Variants in ATP9A observed in about 807,000 individuals in gnomAD.
ATP9A encodes probable phospholipid-transporting ATPase IIA.
ATP9A carries 52 observed loss-of-function variants against 144.1 expected under a neutral mutation model. The observed-to-expected ratio is 0.36, with a 90% CI of 0.29 to 0.45. The LOEUF (loss-of-function observed/expected upper bound fraction) is 0.45. Ranked by LOEUF, ATP9A falls within the 20% of genes least tolerant of loss-of-function variation. The pLI is 1.00. For missense variants in ATP9A, 947 were observed against 1,392.7 expected (o/e 0.68, Z 5.09); for synonymous variants, 582 against 557.4 (o/e 1.04, Z -0.62).
At chr20:51,731,765 G>T (rs536661334) in intron 1 of ATP9A, among the ~76,000 whole-genome samples, 1 of 151,920 alleles carries the variant, frequency 6.6e-6, no homozygotes, top group Admixed American at 6.6e-5. Context: ...ACCCAAGTTT[G>T]CAGAGACGTA....
At chr20:51,759,539 G>A (rs918006090) in intron 1 of ATP9A, among the ~76,000 whole-genome samples, 1 of 152,074 alleles carries the variant, frequency 6.6e-6, no homozygotes, top group African/African-American at 2.4e-5. Flanking sequence ...TAGGCGTGGT[G>A]GCGGGTGCCT....
At chr20:51,652,503 G>A (rs556417162) in intron 14 of ATP9A, among the ~76,000 whole-genome samples, 27 of 152,336 alleles carry the variant, frequency 1.8e-4, no homozygotes, top group African/African-American at 6.0e-4. Flanking sequence ...TCAAAGGCAC[G>A]ATTCTAGAGC....
Position 51,694,084 on chromosome 20 carries a change from G to A in ATP9A, c.566C>T (p.Thr189Met). The change falls in exon 7 of 28, where the codon ACG (threonine) becomes ATG (methionine). Residue 189 changes from threonine to methionine, a missense_variant. By Grantham distance (81) the Thr-to-Met change is moderately conservative. Coordinates refer to ENST00000338821, the MANE Select transcript of ATP9A (RefSeq NM_006045.3). ...SEKNGSCFLR[T>M]DQLDGETDWK... ...GTCCGTCTCCCCATCCAGCTGATCC[G>A]TCCGCAAGAAGCATGACCCTGTGGA... The A allele has an allele frequency of 1.2e-6, 2 of 1,614,044 alleles. No homozygotes were observed. Among genetic ancestry groups the A allele is most frequent in the Non-Finnish European group, 1.7e-6 (2 of 1,179,960 alleles).
chr20:51,636,876 T>G (rs6021337), intron 15 of ATP9A, among the ~76,000 whole-genome samples: 40,265 of 152,170 alleles, frequency 0.26, 5,636 homozygotes, highest in African/African-American at 0.29. Flanking sequence ...GATTGCTTGA[T>G]GTCAGGAGTT....
chr20:51,605,515 G>A lies in ATP9A; in HGVS notation c.2804-495C>T, dbSNP rs1049811673. Among the ~76,000 whole-genome samples the A allele has an allele frequency of 2.6e-5, 4 of 152,230 alleles. No homozygotes were observed. In the East Asian group the frequency reaches 5.8e-4, roughly 22 times the overall value. ...CACCTGTAGTCCCAGCTACTCAGGAGGCTGAGGTGGGAGGATCACTTGAGC... is the reference window on the plus strand; with the variant it reads ...CACCTGTAGTCCCAGCTACTCAGGAAGCTGAGGTGGGAGGATCACTTGAGC... On this transcript the variant is annotated intron_variant, in intron 26 of 27. Transcript: ENST00000338821.
At chr20:51,635,032 C>CG (rs1039813654) in intron 15 of ATP9A, among the ~76,000 whole-genome samples, 174 of 151,802 alleles carry the variant, frequency 1.1e-3, no homozygotes, top group African/African-American at 4.1e-3. Flanking sequence ...CAGCCACCCC[C>CG]CTGGAGTGGA....
At chr20:51,720,610 G>C (rs1164043248) in intron 3 of ATP9A, among the ~76,000 whole-genome samples, 1 of 152,160 alleles carries the variant, frequency 6.6e-6, no homozygotes, top group Non-Finnish European at 1.5e-5. Context: ...AAGGTGGACG[G>C]ATCACTTGAG....
At position 51,751,086 on chromosome 20, in the gene ATP9A, G is replaced by C. The variant is rs553861314; in HGVS notation, c.68+17216C>G. On this transcript the variant is annotated intron_variant, in intron 1 of 27. Coordinates refer to ENST00000338821, the MANE Select transcript of ATP9A (RefSeq NM_006045.3). The stretch of plus-strand genomic sequence containing the variant: ...AGGAAGAAGGGAGGGGCATCAGGAA[G>C]GAAGAATTCCCTTTTTCTCTGCAGA... Among the ~76,000 whole-genome samples the C allele has an allele frequency of 2.0e-5, 3 of 152,180 alleles. No homozygotes were observed. In the East Asian group the frequency reaches 5.8e-4, roughly 29 times the overall value.
intron 4 of ATP9A, among the ~76,000 whole-genome samples, chr20:51,701,184 G>T (rs1035824001): frequency 6.6e-6 from 1 of 152,098 alleles, no homozygotes; most frequent in Non-Finnish European, 1.5e-5. Context: ...CTAGTTACAG[G>T]TTCCCTCTTA....
intron 7 of ATP9A, among the ~76,000 whole-genome samples, chr20:51,692,051 A>G (rs1370439897): frequency 1.3e-5 from 2 of 152,246 alleles, no homozygotes; most frequent in African/African-American, 4.8e-5. Flanking sequence ...AGTTTAATTC[A>G]TAGAGACAGA....
At position 51,610,010 on chromosome 20, in the gene ATP9A, C is replaced by T. The variant is rs80080639; in HGVS notation, c.2636+91G>A. 83 of 1,222,116 alleles carry T rather than the reference C, an allele frequency of 6.8e-5. 1 individual carries two copies. The highest frequency in any genetic ancestry group is 9.3e-5 in the Admixed American group (5 of 53,610). 75.7% of individuals were successfully genotyped at this position (1,222,116 alleles called of 1,614,324 possible). A position where few individuals can be genotyped will look rare whatever the true frequency, so the allele number is the denominator to read the frequency against. The stretch of plus-strand genomic sequence containing the variant: ...CTGGGAATCCAATGTGGCTTGGGAA[C>T]CCAAGAATTTTTCCACCACGTTTCT... On this transcript the variant is annotated intron_variant, in intron 24 of 27. Transcript: ENST00000338821.
chr20:51,751,777 A>T (rs2077833208), intron 1 of ATP9A, among the ~76,000 whole-genome samples: 1 of 151,986 alleles, frequency 6.6e-6, no homozygotes, highest in Non-Finnish European at 1.5e-5. Flanking sequence ...TTTAGTAGAG[A>T]CGGGGTTTCA....
At chr20:51,751,764 A>G (rs1328595299) in intron 1 of ATP9A, among the ~76,000 whole-genome samples, 1 of 151,668 alleles carries the variant, frequency 6.6e-6, no homozygotes, top group Non-Finnish European at 1.5e-5. Flanking sequence ...ATTTTTTTGT[A>G]TTTTTAGTAG....
Position 51,598,681 on chromosome 20 carries a change from G to A in ATP9A, c.*2530C>T, listed in dbSNP as rs1405838149. ...CCTGGGGTTCTCTGCTGGGCTTACA[G>A]TCTGATTGTGCAGGTAAAGATCGTG... On this transcript the variant is annotated 3_prime_UTR_variant, in exon 28 of 28. Coordinates refer to ENST00000338821, the MANE Select transcript of ATP9A (RefSeq NM_006045.3). 1 of 151,590 alleles carries A rather than the reference G, an allele frequency of 6.6e-6. No homozygotes were observed. The highest frequency in any genetic ancestry group is 1.5e-5 in the Non-Finnish European group (1 of 67,982). The allele number at this position is 151,590 out of a possible 1,614,324, so 9.4% of individuals were successfully genotyped here. A position where few individuals can be genotyped will look rare whatever the true frequency, so the allele number is the denominator to read the frequency against.
chr20:51,614,578 G>A (rs532223285), intron 22 of ATP9A, among the ~76,000 whole-genome samples: 17 of 152,272 alleles, frequency 1.1e-4, no homozygotes, highest in African/African-American at 3.9e-4. Flanking sequence ...TGGGATTCCA[G>A]GCATGAGCAG....
chr20:51,765,645 A>AAAAAAAAAAAAAAAAAC lies in ATP9A; in HGVS notation c.68+2656_68+2657insGTTTTTTTTTTTTTTTT, dbSNP rs2077900545. On this transcript the variant is annotated intron_variant, in intron 1 of 27. Coordinates refer to ENST00000338821, the MANE Select transcript of ATP9A (RefSeq NM_006045.3). ...CAACAAGAGTGAAGCTACATCTCAA[A>AAAAAAAAAAAAAAAAAC]AAAAAAAAACAGAATTAGATTAGTT... 2.7e-5 allele frequency among the ~76,000 whole-genome samples: 4 copies of AAAAAAAAAAAAAAAAAC among 150,730 alleles called. 1 individual carries two copies. The highest frequency in any genetic ancestry group is 6.6e-5 in the Admixed American group (1 of 15,064).
intron 1 of ATP9A, among the ~76,000 whole-genome samples, chr20:51,746,323 A>T (rs2077807931): frequency 6.6e-6 from 1 of 152,244 alleles, no homozygotes; most frequent in Admixed American, 6.5e-5. Flanking sequence ...AAAAGTTTTT[A>T]AAATTTTTTA....
intron 3 of ATP9A, among the ~76,000 whole-genome samples, chr20:51,719,533 G>C (rs1020072240): frequency 1.3e-5 from 2 of 151,808 alleles, no homozygotes; most frequent in Non-Finnish European, 2.9e-5. Flanking sequence ...AAGAGATCAA[G>C]ACCATCCTGG....
At chr20:51,672,010 G>A (rs755567269) in intron 11 of ATP9A, among the ~76,000 whole-genome samples, 8 of 151,950 alleles carry the variant, frequency 5.3e-5, no homozygotes, top group Non-Finnish European at 1.2e-4. Context: ...ATGTTGCCCA[G>A]GCTGGTCTCA....
Sources: gnomAD v4.1 joint callset for allele counts (sites outside exome capture counted in the v4.1 genomes callset) on GRCh38, gnomAD v4.1.1 for gene constraint, MANE v1.5 for transcripts, NCBI Gene and HGNC (gene_info 2026-07-23, HGNC 2026-07-21) for gene names.